ROS1: variants seen among roughly 807,000 people sequenced by gnomAD.
The protein encoded by ROS1 is proto-oncogene tyrosine-protein kinase ROS.
A neutral mutation model predicts 273.5 loss-of-function variants in ROS1; 263 were observed. The observed-to-expected ratio is 0.96, with a 90% CI of 0.87 to 1.06. The LOEUF (loss-of-function observed/expected upper bound fraction) is 1.06. Ranked by LOEUF, ROS1 falls within the 50% of genes least tolerant of loss-of-function variation. The pLI is 0.00. For missense variants in ROS1, 2,833 were observed against 2,751.1 expected, an observed-to-expected ratio of 1.03 and a Z score of -0.67; for synonymous variants, 1,008 against 954.1, an observed-to-expected ratio of 1.06 and a Z score of -1.04.
At chr6:117,309,014 G>A in intron 41 of ROS1, 86 bp from the exon 42 acceptor site, 1 of 1,315,538 alleles carries the variant, frequency 7.6e-7, no homozygotes, top group South Asian at 1.3e-5. Context: ...TTTTCCTGGG[G>A]CTAGCAGGGT....
At chr6:117,333,994 G>GGGCAATCA (rs1458894437) in intron 32 of ROS1, among the ~76,000 whole-genome samples, 1 of 152,114 alleles carries the variant, frequency 6.6e-6, no homozygotes, top group Non-Finnish European at 1.5e-5. Context: ...GTTCTGGTCA[G>GGGCAATCA]GGCAATCAGG....
chr6:117,293,422 T>A (rs1259190695), intron 43 of ROS1, among the ~76,000 whole-genome samples: 1 of 152,168 alleles, frequency 6.6e-6, no homozygotes, highest in African/African-American at 2.4e-5. Context: ...CAAACATACA[T>A]AAATGAGCAT....
chr6:117,407,093 A>T (rs1181867408), intron 5 of ROS1, among the ~76,000 whole-genome samples: 2 of 151,950 alleles, frequency 1.3e-5, no homozygotes, highest in Admixed American at 1.3e-4. Flanking sequence ...TAATATCACT[A>T]CCTCTCCACA....
At chr6:117,419,595 T>C (rs954872056) in intron 1 of ROS1, among the ~76,000 whole-genome samples, 1 of 152,218 alleles carries the variant, frequency 6.6e-6, no homozygotes, top group Non-Finnish European at 1.5e-5. Flanking sequence ...TTAATAGTAC[T>C]GTGTTTTCAT....
chr6:117,372,673 G>T (rs13216409), intron 18 of ROS1, among the ~76,000 whole-genome samples: 7 of 152,082 alleles, frequency 4.6e-5, no homozygotes, highest in African/African-American at 1.7e-4. Flanking sequence ...ATCTGGAGTC[G>T]CTCATTCCTC....
rs766135828 is a variant in ROS1, at chr6:117,362,828, T to C, written c.3141A>G (p.Leu1047=). The stretch of plus-strand genomic sequence containing the variant: ...TCTTGTTGCAGCATTTTCCACTTGG[T>C]AATATAAATATTCTGGGGTTCTCTG... ...SAPENPRIFI[L]PSGKCCNKNE... Residue 1047 remains leucine, a synonymous_variant, in exon 22 of 44, where the codon TTA becomes TTG. Transcript: ENST00000368507. The C allele has an allele frequency of 6.2e-7, 1 of 1,613,414 alleles. No homozygotes were observed. Among genetic ancestry groups the C allele is most frequent in the Non-Finnish European group, 8.5e-7 (1 of 1,179,644 alleles).
intron 18 of ROS1, among the ~76,000 whole-genome samples, chr6:117,375,255 A>G (rs1438761179): frequency 6.6e-6 from 1 of 152,238 alleles, no homozygotes. Flanking sequence ...ATGCAAAGGC[A>G]TAAGAATGAT....
intron 22 of ROS1, 80 bp downstream of exon 22, chr6:117,362,523 A>G (rs888761060): frequency 5.4e-5 from 73 of 1,362,846 alleles, no homozygotes; most frequent in Non-Finnish European, 6.8e-5. Flanking sequence ...ACACTGTAAC[A>G]TATCCCAGAA....
chr6:117,403,284 C>A lies in ROS1; in HGVS notation c.466-7G>T. ...AGGACGGTCTGGACACAGTCTAGATCAAGGAGTGATCAATCATCAGCATTA... is the reference window on the plus strand; with the variant it reads ...AGGACGGTCTGGACACAGTCTAGATAAAGGAGTGATCAATCATCAGCATTA... On this transcript the variant is annotated splice_region_variant and splice_polypyrimidine_tract_variant and intron_variant, in intron 6 of 43. Coordinates refer to ENST00000368507, the MANE Select transcript of ROS1 (RefSeq NM_001378902.1). 1 of 1,610,548 alleles carries A rather than the reference C, an allele frequency of 6.2e-7. No homozygotes were observed. Among genetic ancestry groups the A allele is most frequent in the Non-Finnish European group, 8.5e-7 (1 of 1,179,164 alleles).
At chr6:117,414,439 C>A (rs953013406) in intron 4 of ROS1, 80 bp downstream of exon 4, 18 of 713,398 alleles carry the variant, frequency 2.5e-5, no homozygotes, top group Middle Eastern at 2.3e-4. Context: ...GGTTTCTTCA[C>A]CCCTATTTTA....
At chr6:117,346,318 TA>T (rs1778371753) in intron 27 of ROS1, among the ~76,000 whole-genome samples, 1 of 152,104 alleles carries the variant, frequency 6.6e-6, no homozygotes, top group Non-Finnish European at 1.5e-5. Context: ...AGGACCAAGA[TA>T]ACTTGTAATT....
In ROS1 at chr6:117,337,350, G is replaced by C. The variant is rs1158716115; in HGVS notation, c.5062-10C>G. 1 of 1,584,028 alleles carries C rather than the reference G, an allele frequency of 6.3e-7. No homozygotes were observed. Among genetic ancestry groups the C allele is most frequent in the Non-Finnish European group, 8.6e-7 (1 of 1,168,598 alleles). On this transcript the variant is annotated splice_polypyrimidine_tract_variant and intron_variant, in intron 31 of 43. Transcript: ENST00000368507. The stretch of plus-strand genomic sequence containing the variant: ...ACTCATTGTATTTCCACTAGAAAAA[G>C]AAGTCTCGATTAATATTTTTGTTTC...
At chr6:117,312,582 C>A (rs1042706505) in intron 39 of ROS1, among the ~76,000 whole-genome samples, 4 of 152,104 alleles carry the variant, frequency 2.6e-5, no homozygotes, top group Non-Finnish European at 1.5e-5. Flanking sequence ...CCTGTGAAGA[C>A]TTTCTCTAGG....
intron 18 of ROS1, among the ~76,000 whole-genome samples, chr6:117,369,930 T>C (rs1486653962): frequency 6.6e-6 from 1 of 152,162 alleles, no homozygotes; most frequent in East Asian, 1.9e-4. Flanking sequence ...TATATACACA[T>C]CCATATATAT....
Position 117,425,721 on chromosome 6 carries a change from T to C in ROS1, c.-65A>G, listed in dbSNP as rs1474158799. 3 of 1,572,358 alleles carry C rather than the reference T, an allele frequency of 1.9e-6. No individual in the cohort carries two copies. Among genetic ancestry groups the C allele is most frequent in the Non-Finnish European group, 2.6e-6 (3 of 1,151,948 alleles). ...TTTCTCCATTTTGCTATATGAATTATTTGGGCTTCATCACTTCAATTGGAG... is the reference window on the plus strand; with the variant it reads ...TTTCTCCATTTTGCTATATGAATTACTTGGGCTTCATCACTTCAATTGGAG... On this transcript the variant is annotated 5_prime_UTR_variant, in exon 1 of 44. Transcript: ENST00000368507.
chr6:117,347,177 T>C (rs1778448174), intron 27 of ROS1, among the ~76,000 whole-genome samples: 1 of 152,186 alleles, frequency 6.6e-6, no homozygotes, highest in Admixed American at 6.6e-5. Flanking sequence ...CTTGACAATA[T>C]TGAGTCTTCC....
In ROS1 at chr6:117,394,186, T is replaced by C; in HGVS notation, c.1167A>G (p.Arg389=). ...SSISIDWLYQ[R]MYFIMDELVC... is the part of the protein sequence containing the mutation. ...CCAGTTCATCCATGATGAAATACATTCTTTGATAAAGCCAATCTATGGAGA... is the reference window on the plus strand; with the variant it reads ...CCAGTTCATCCATGATGAAATACATCCTTTGATAAAGCCAATCTATGGAGA... The change falls in exon 11 of 44, where the codon AGA becomes AGG. Residue 389 remains arginine, a synonymous_variant. Transcript: ENST00000368507. 6.3e-7 allele frequency: 1 copy of C among 1,593,866 alleles called. No individual in the cohort carries two copies. Among genetic ancestry groups the C allele is most frequent in the Non-Finnish European group, 8.5e-7 (1 of 1,171,584 alleles).
Position 117,421,127 on chromosome 6 carries a change from T to C in ROS1, c.124-2621A>G, listed in dbSNP as rs142469172. On this transcript the variant is annotated intron_variant, in intron 1 of 43. Transcript: ENST00000368507. ...CTGCAATTCTGTGGTTGCTGTGAGG[T>C]TGAATATCTATCACATGCTTTTTAG... Among the ~76,000 whole-genome samples the C allele has an allele frequency of 6.1e-4, 91 of 150,116 alleles. No homozygotes were observed. The East Asian group carries it at 0.015, about 25-fold the overall frequency.
At chr6:117,292,357 C>G (rs1167287055) in intron 43 of ROS1, among the ~76,000 whole-genome samples, 1 of 152,164 alleles carries the variant, frequency 6.6e-6, no homozygotes, top group Non-Finnish European at 1.5e-5. Context: ...AAGTCAACTG[C>G]AAAATCTGTG....
Sources: gnomAD v4.1 joint callset for allele counts (sites outside exome capture counted in the v4.1 genomes callset) on GRCh38, gnomAD v4.1.1 for gene constraint, MANE v1.5 for transcripts, NCBI Gene and HGNC (gene_info 2026-07-23, HGNC 2026-07-21) for gene names.